The following HPSE2 variants were observed in gnomAD, a reference collection of about 807,000 sequenced individuals.
HPSE2 encodes the protein inactive heparanase-2.
HPSE2 carries 38 observed loss-of-function variants against 60.5 expected under a neutral mutation model. The observed-to-expected ratio is 0.63, with a 90% confidence interval of 0.48 to 0.82. The LOEUF (loss-of-function observed/expected upper bound fraction) is 0.82, where lower values mean the gene tolerates loss of function less well. HPSE2 is among the 40% of genes least tolerant of loss of function. The probability of loss-of-function intolerance (pLI) is 0.00; values close to 1 mark genes in which losing one functional copy is unlikely to be tolerated. For missense variants in HPSE2, 713 were observed against 740.4 expected, an observed-to-expected ratio of 0.96 and a Z score of 0.43; for synonymous variants, 295 against 293.2, an observed-to-expected ratio of 1.01 and a Z score of -0.06.
At chr10:98,503,321 C>G (rs1942090533) in intron 9 of HPSE2, among the ~76,000 whole-genome samples, 2 of 151,904 alleles carry the variant, frequency 1.3e-5, no homozygotes, top group Admixed American at 1.3e-4. Context: ...GCAATACCAC[C>G]TTACTCCTAC....
At chr10:99,212,513 A>G (rs1221050511) in intron 2 of HPSE2, among the ~76,000 whole-genome samples, 1 of 152,212 alleles carries the variant, frequency 6.6e-6, no homozygotes, top group Non-Finnish European at 1.5e-5. Flanking sequence ...TTGCAATAAC[A>G]TGGATGAACC....
intron 11 of HPSE2, among the ~76,000 whole-genome samples, chr10:98,476,501 G>C (rs1257584188): frequency 6.6e-6 from 1 of 151,196 alleles, no homozygotes; most frequent in Non-Finnish European, 1.5e-5. Context: ...AAAAAAAAAA[G>C]GGTCTGAGGC....
intron 6 of HPSE2, among the ~76,000 whole-genome samples, chr10:98,683,698 C>T (rs1298078094): frequency 6.6e-6 from 1 of 151,594 alleles, no homozygotes; most frequent in Non-Finnish European, 1.5e-5. Flanking sequence ...TGAGGAATTC[C>T]AATATCTGAC....
chr10:98,926,922 G>C (rs1433592295), intron 3 of HPSE2, among the ~76,000 whole-genome samples: 8 of 152,176 alleles, frequency 5.3e-5, no homozygotes, highest in African/African-American at 1.7e-4. Context: ...GAGCGGTTTT[G>C]AGTGAGATTC....
chr10:99,223,209 C>G (rs1439909252), intron 2 of HPSE2, among the ~76,000 whole-genome samples: 2 of 152,152 alleles, frequency 1.3e-5, no homozygotes, highest in Admixed American at 6.5e-5. Context: ...GTTTCCCCAT[C>G]TGTCAAATGG....
At chr10:99,123,481 G>C (rs1247884664) in intron 3 of HPSE2, among the ~76,000 whole-genome samples, 1 of 152,194 alleles carries the variant, frequency 6.6e-6, no homozygotes, top group Non-Finnish European at 1.5e-5. Flanking sequence ...CAGCACTAAA[G>C]GCAGAGCGTG....
intron 3 of HPSE2, among the ~76,000 whole-genome samples, chr10:98,910,696 T>C (rs946761534): frequency 3.3e-5 from 5 of 152,176 alleles, no homozygotes; most frequent in African/African-American, 9.7e-5. Context: ...TTACAAAGTG[T>C]TTCTACATCA....
intron 2 of HPSE2, among the ~76,000 whole-genome samples, chr10:99,207,847 G>T (rs1848812128): frequency 6.6e-6 from 1 of 151,780 alleles, no homozygotes; most frequent in Admixed American, 6.6e-5. Flanking sequence ...AAGATCCCCA[G>T]TAGATGCCTG....
At chr10:98,888,009 C>T (rs1054398913) in intron 3 of HPSE2, among the ~76,000 whole-genome samples, 3 of 151,770 alleles carry the variant, frequency 2.0e-5, no homozygotes, top group South Asian at 2.1e-4. Context: ...AATAATGTGA[C>T]TATAGTCAAT....
intron 3 of HPSE2, among the ~76,000 whole-genome samples, chr10:98,928,845 G>C (rs1954559846): frequency 1.0e-5 from 1 of 95,838 alleles, no homozygotes; most frequent in Non-Finnish European, 1.9e-5. Context: ...TTGTGGGGTG[G>C]GGGGAGGGGG....
intron 9 of HPSE2, among the ~76,000 whole-genome samples, chr10:98,551,958 T>C (rs1371917868): frequency 6.6e-6 from 1 of 152,112 alleles, no homozygotes; most frequent in Admixed American, 6.5e-5. Context: ...ATTAATACAT[T>C]TTTTCTGGTA....
rs139036920 is a variant in HPSE2 at position 98,771,888 on chromosome 10, A to C, written c.611-27832T>G. Among the ~76,000 whole-genome samples, 75 of 152,290 alleles carry C rather than the reference A, an allele frequency of 4.9e-4. 1 individual carries two copies. In the East Asian group the frequency reaches 0.013, roughly 27 times the overall value. ...GTAAAGACAGGTATGTATAAAAGAGACTGAAGGAAGTGGTTGGAATGGATA... is the reference window on the plus strand; with the variant it reads ...GTAAAGACAGGTATGTATAAAAGAGCCTGAAGGAAGTGGTTGGAATGGATA... On this transcript the variant is annotated intron_variant, in intron 3 of 11. Transcript: ENST00000370552.
At chr10:98,509,973 A>G (rs1466641202) in intron 9 of HPSE2, among the ~76,000 whole-genome samples, 1 of 152,090 alleles carries the variant, frequency 6.6e-6, no homozygotes, top group East Asian at 1.9e-4. Context: ...ACACACACGC[A>G]CACACACACA....
At chr10:98,549,025 G>A (rs2133847707) in intron 9 of HPSE2, among the ~76,000 whole-genome samples, 1 of 152,198 alleles carries the variant, frequency 6.6e-6, no homozygotes, top group South Asian at 2.1e-4. Context: ...TTCCTACAAA[G>A]TTGTATGTCA....
intron 3 of HPSE2, among the ~76,000 whole-genome samples, chr10:98,799,172 A>G (rs1022194633): frequency 3.3e-5 from 5 of 152,244 alleles, no homozygotes; most frequent in African/African-American, 1.2e-4. Context: ...TCAAGATAAA[A>G]GCTATAAAAA....
At chr10:98,858,613 T>C (rs1952375920) in intron 3 of HPSE2, among the ~76,000 whole-genome samples, 1 of 152,166 alleles carries the variant, frequency 6.6e-6, no homozygotes, top group African/African-American at 2.4e-5. Flanking sequence ...TGTGGAATTG[T>C]GTGAAGGGTC....
the HPSE2 span, among the ~76,000 whole-genome samples, chr10:99,288,959 TA>T: frequency 6.6e-6 from 1 of 152,162 alleles, no homozygotes; most frequent in Non-Finnish European, 1.5e-5. Flanking sequence ...ATTTTCATAG[TA>T]TTAGTAATCA....
At chr10:98,480,033 T>C (rs887994551) in intron 11 of HPSE2, among the ~76,000 whole-genome samples, 32 of 152,250 alleles carry the variant, frequency 2.1e-4, no homozygotes, top group African/African-American at 7.5e-4. Flanking sequence ...TGGGTGTTAC[T>C]AAATCCTTCT....
chr10:98,652,213 A>G (rs947847281), intron 6 of HPSE2, among the ~76,000 whole-genome samples: 1 of 152,230 alleles, frequency 6.6e-6, no homozygotes, highest in Non-Finnish European at 1.5e-5. Context: ...ATTTTAGACA[A>G]TTAAAGTAGA....
Sources: gnomAD v4.1 joint callset for allele counts (sites outside exome capture counted in the v4.1 genomes callset) on GRCh38, gnomAD v4.1.1 for gene constraint, MANE v1.5 for transcripts, NCBI Gene and HGNC (gene_info 2026-07-23, HGNC 2026-07-21) for gene names.